AFAP1: variants seen among roughly 807,000 people sequenced by gnomAD.
AFAP1 encodes the protein actin filament associated protein 1.
A neutral mutation model predicts 93.9 loss-of-function variants in AFAP1; 75 were observed. The observed-to-expected ratio is 0.80, with a 90% CI of 0.66 to 0.97. The LOEUF is 0.97. Among genes scored for constraint, AFAP1 ranks in the 50% least tolerant of loss-of-function variants. The pLI is 0.00. For synonymous variants in AFAP1, 517 were observed against 430.7 expected, an observed-to-expected ratio of 1.20 and a Z score of -2.48; for missense variants, 1,201 against 1,050.8, an observed-to-expected ratio of 1.14 and a Z score of -1.98.
At chr4:7,860,695 C>G (rs1387439404) in intron 3 of AFAP1, among the ~76,000 whole-genome samples, 1 of 152,160 alleles carries the variant, frequency 6.6e-6, no homozygotes, top group African/African-American at 2.4e-5. Flanking sequence ...GGCACAACTG[C>G]ACGGCATCCG....
intron 1 of AFAP1, among the ~76,000 whole-genome samples, chr4:7,883,185 CAA>C (rs34238719): frequency 4.0e-5 from 2 of 49,958 alleles, no homozygotes; most frequent in Admixed American, 2.4e-4. Flanking sequence ...AACCCTATCT[CAA>C]AAAAAAAAAA....
intron 4 of AFAP1, among the ~76,000 whole-genome samples, chr4:7,846,386 C>T (rs1470772457): frequency 6.6e-6 from 1 of 152,166 alleles, no homozygotes; most frequent in South Asian, 2.1e-4. Context: ...GAATATGGAA[C>T]GAGAAGATGG....
At chr4:7,891,948 G>A (rs1269092273) in intron 1 of AFAP1, among the ~76,000 whole-genome samples, 1 of 152,100 alleles carries the variant, frequency 6.6e-6, no homozygotes, top group Non-Finnish European at 1.5e-5. Context: ...CAGCTACTCA[G>A]GATGCTGAGG....
intron 6 of AFAP1, among the ~76,000 whole-genome samples, chr4:7,832,396 G>C (rs1032569393): frequency 1.6e-4 from 24 of 151,814 alleles, no homozygotes; most frequent in Non-Finnish European, 2.9e-4. Flanking sequence ...CACTGCTCTT[G>C]TCATGGGGTC....
chr4:7,911,869 ATTTC>A (rs1424090520), intron 1 of AFAP1, among the ~76,000 whole-genome samples: 1 of 151,988 alleles, frequency 6.6e-6, no homozygotes, highest in African/African-American at 2.4e-5. Flanking sequence ...TACCTGGGAT[ATTTC>A]TTTTAAGTTA....
At position 7,789,379 on chromosome 4, in the gene AFAP1, C is replaced by G. The variant is rs564670628; in HGVS notation, c.1413-3068G>C. On this transcript the variant is annotated intron_variant, in intron 11 of 17. Transcript: ENST00000420658. ...AGAGAACTGCCTCCCATCTGTGAAT[C>G]TCTCCATGCTCCGCACCAGCCCCGG... 2.6e-5 allele frequency among the ~76,000 whole-genome samples: 4 copies of G among 152,132 alleles called. No individual in the cohort carries two copies. In the East Asian group the frequency reaches 7.8e-4, roughly 30 times the overall value.
At chr4:7,888,585 A>G (rs1463708687) in intron 1 of AFAP1, among the ~76,000 whole-genome samples, 1 of 152,238 alleles carries the variant, frequency 6.6e-6, no homozygotes, top group Non-Finnish European at 1.5e-5. Flanking sequence ...GAACAGCTCT[A>G]TATTAAAGAA....
chr4:7,937,619 T>G (rs887403719), intron 1 of AFAP1, among the ~76,000 whole-genome samples: 3 of 152,194 alleles, frequency 2.0e-5, no homozygotes, highest in African/African-American at 7.2e-5. Context: ...CATGAGTAGC[T>G]GCGATTACAG....
At chr4:7,934,374 T>G (rs1721263500) in intron 1 of AFAP1, among the ~76,000 whole-genome samples, 1 of 152,190 alleles carries the variant, frequency 6.6e-6, no homozygotes, top group Non-Finnish European at 1.5e-5. Flanking sequence ...TCTCCACGTG[T>G]GAGTCACGAG....
intron 10 of AFAP1, among the ~76,000 whole-genome samples, chr4:7,798,377 G>GGCATTGCAACTCTATTGGCTGGCTCACA (rs1718680968): frequency 1.8e-5 from 2 of 108,686 alleles, no homozygotes; most frequent in Admixed American, 1.1e-4. Context: ...GCTGGCTCAC[G>GGCATTGCAACTCTATTGGCTGGCTCACA]GCACTGCAAC....
chr4:7,810,935 G>C (rs766059220), intron 8 of AFAP1, among the ~76,000 whole-genome samples: 1 of 152,210 alleles, frequency 6.6e-6, no homozygotes, highest in African/African-American at 2.4e-5. Context: ...GGCTCTGTCC[G>C]TGACCTCCGG....
intron 4 of AFAP1, among the ~76,000 whole-genome samples, chr4:7,850,970 C>T (rs1229003497): frequency 6.6e-6 from 1 of 152,038 alleles, no homozygotes; most frequent in African/African-American, 2.4e-5. Flanking sequence ...TCAACAGCTC[C>T]CGCAAGTGTG....
Position 7,773,064 on chromosome 4 carries a change from AAC to A in AFAP1, c.2063-56_2063-55del, listed in dbSNP as rs1157653707. ...CGCGGCAGGCACAGGTTCTCCAAAC[AAC>A]AGAGAAGGCACCTGGTCCCCAAGAA... On this transcript the variant is annotated intron_variant, in intron 15 of 17. Transcript: ENST00000420658. The A allele has an allele frequency of 6.4e-6, 10 of 1,559,620 alleles. No individual in the cohort carries two copies. In the Admixed American group the frequency reaches 1.7e-4, roughly 26 times the overall value.
intron 15 of AFAP1, 121 bp from the exon 16 acceptor site, chr4:7,773,131 T>G: frequency 7.1e-7 from 1 of 1,416,076 alleles, no homozygotes; most frequent in Non-Finnish European, 9.3e-7. Context: ...TCCCCTGACT[T>G]AGGTCCTCGT....
chr4:7,871,862 A>C, intron 2 of AFAP1, 90 bp downstream of exon 2: 10 of 1,484,306 alleles, frequency 6.7e-6, no homozygotes, highest in Non-Finnish European at 9.1e-6. Flanking sequence ...AAGAACAAAT[A>C]AATATATTTT....
chr4:7,921,052 G>A (rs1276462072), intron 1 of AFAP1, among the ~76,000 whole-genome samples: 1 of 151,234 alleles, frequency 6.6e-6, no homozygotes. Flanking sequence ...TGCCTCCAAA[G>A]AAAATGCATT....
chr4:7,782,228 C>T (rs1215688929), intron 12 of AFAP1, among the ~76,000 whole-genome samples: 1 of 152,236 alleles, frequency 6.6e-6, no homozygotes, highest in South Asian at 2.1e-4. Context: ...AGTGGCAGAG[C>T]GGAGGGAAGG....
intron 9 of AFAP1, among the ~76,000 whole-genome samples, chr4:7,805,711 C>T (rs952862601): frequency 6.6e-6 from 1 of 152,200 alleles, no homozygotes; most frequent in Non-Finnish European, 1.5e-5. Flanking sequence ...GAGCTGGTAT[C>T]GTCTGCCAAG....
intron 1 of AFAP1, among the ~76,000 whole-genome samples, chr4:7,915,999 C>T (rs57208476): frequency 3.5e-5 from 4 of 115,500 alleles, no homozygotes; most frequent in African/African-American, 1.7e-4. Context: ...TAGTCCAGGG[C>T]TCATCCCCGG....
Sources: allele counts gnomAD v4.1 joint callset (sites outside exome capture counted in the v4.1 genomes callset), GRCh38; gene constraint gnomAD v4.1.1; transcripts MANE v1.5; gene names NCBI Gene and HGNC (gene_info 2026-07-23, HGNC 2026-07-21).